METTL15: variants seen among roughly 807,000 people sequenced by gnomAD.
The protein encoded by METTL15 is 12S rRNA N(4)-cytidine methyltransferase METTL15.
In METTL15, 34 loss-of-function variants were observed where a neutral mutation model predicts 38.3. The ratio of observed to expected loss-of-function variants is 0.89; its 90% CI spans 0.68 to 1.18. The LOEUF is 1.18. METTL15 is among the 50% of genes most tolerant of loss of function. The pLI, the probability that METTL15 is intolerant of heterozygous loss-of-function variation, is 0.00. For missense variants in METTL15, 438 were observed against 498.4 expected, an observed-to-expected ratio of 0.88 and a Z score of 1.15; for synonymous variants, 162 against 170.9, an observed-to-expected ratio of 0.95 and a Z score of 0.41.
intron 3 of METTL15, chr11:28,122,218 GATT>G (rs1452729288): frequency 3.3e-6 from 4 of 1,202,702 alleles, no homozygotes; most frequent in Admixed American, 3.1e-5. Context: ...AATGTTTATG[GATT>G]ATATTTTTTA....
chr11:28,336,189 C>T (rs561989779), downstream of METTL15, among the ~76,000 whole-genome samples: 1 of 152,238 alleles, frequency 6.6e-6, no homozygotes, highest in African/African-American at 2.4e-5. Flanking sequence ...GTATTTGCTA[C>T]ACCTTGACAG....
At chr11:28,301,175 A>G (rs565342271) in intron 6 of METTL15, among the ~76,000 whole-genome samples, 2 of 152,154 alleles carry the variant, frequency 1.3e-5, no homozygotes, top group East Asian at 3.9e-4. Context: ...TTCCAGCCAT[A>G]TTGAAGTTCT....
chr11:28,300,135 GA>G (rs1263783839), intron 6 of METTL15, among the ~76,000 whole-genome samples: 1 of 152,004 alleles, frequency 6.6e-6, no homozygotes, highest in East Asian at 1.9e-4. Context: ...AATTGTGGGG[GA>G]CTCTATAAAC....
At chr11:28,434,291 C>T (rs1247211144) in intron 6 of METTL15, among the ~76,000 whole-genome samples, 3 of 152,204 alleles carry the variant, frequency 2.0e-5, no homozygotes, top group Non-Finnish European at 4.4e-5. Context: ...TTCCTAAGGC[C>T]TGCCCAGCCA....
chr11:28,296,613 G>A (rs1856744340), intron 5 of METTL15, 140 bp from the exon 6 acceptor site: 1 of 748,700 alleles, frequency 1.3e-6, no homozygotes, highest in Non-Finnish European at 2.1e-6. Flanking sequence ...ATTTGTTTAA[G>A]GTTTCAGTTT....
At chr11:28,273,581 CAT>C (rs1478164495) in intron 4 of METTL15, among the ~76,000 whole-genome samples, 2 of 151,852 alleles carry the variant, frequency 1.3e-5, no homozygotes, top group South Asian at 2.1e-4. Flanking sequence ...TCAGGTGTCA[CAT>C]ATATATATTG....
At chr11:28,459,211 AT>A (rs967211678) in intron 6 of METTL15, among the ~76,000 whole-genome samples, 89 of 152,296 alleles carry the variant, frequency 5.8e-4, no homozygotes, top group African/African-American at 2.0e-3. Context: ...ACTTTTATAA[AT>A]TTCATGTATA....
At chr11:28,293,578 T>G (rs1230411729) in intron 5 of METTL15, among the ~76,000 whole-genome samples, 1 of 143,762 alleles carries the variant, frequency 7.0e-6, no homozygotes. Context: ...AGTAGTTTTT[T>G]CCAATTCTGT....
intron 3 of METTL15, among the ~76,000 whole-genome samples, chr11:28,208,593 T>C (rs1852474042): frequency 6.6e-6 from 1 of 152,232 alleles, no homozygotes; most frequent in Middle Eastern, 3.4e-3. Flanking sequence ...TCTATTGATT[T>C]GGGGTGGAGA....
intron 6 of METTL15, among the ~76,000 whole-genome samples, chr11:28,435,479 G>A (rs1391437693): frequency 6.6e-6 from 1 of 152,090 alleles, no homozygotes; most frequent in African/African-American, 2.4e-5. Context: ...CTGCTTTCTG[G>A]GAATGCTCCT....
rs1851803730 is a variant in METTL15 at position 28,525,608 on chromosome 11, A to C, written c.*425-870A>C. Among the ~76,000 whole-genome samples, 3 of 152,208 alleles carry C rather than the reference A, an allele frequency of 2.0e-5. No homozygotes were observed. In the South Asian group the frequency reaches 6.2e-4, roughly 32 times the overall value. On this transcript the variant is annotated intron_variant and NMD_transcript_variant, in intron 6 of 7. Coordinates refer to the METTL15 transcript ENST00000532947. ...ATTACAAACCTTGAGCTAGACACAG[A>C]GTGCTGATTGGTGCATTTACAAACC...
intron 6 of METTL15, among the ~76,000 whole-genome samples, chr11:28,460,073 A>AT (rs1243221643): frequency 5.3e-5 from 8 of 152,030 alleles, no homozygotes; most frequent in Non-Finnish European, 1.0e-4. Flanking sequence ...AAATAAACAC[A>AT]TTTTTATCAT....
At chr11:28,281,794 C>T (rs1856065802) in intron 4 of METTL15, among the ~76,000 whole-genome samples, 1 of 152,108 alleles carries the variant, frequency 6.6e-6, no homozygotes, top group African/African-American at 2.4e-5. Flanking sequence ...ACAGTCTTAA[C>T]TCCTGAGATG....
intron 3 of METTL15, among the ~76,000 whole-genome samples, chr11:28,207,833 C>G (rs879066897): frequency 6.6e-6 from 1 of 152,092 alleles, no homozygotes; most frequent in African/African-American, 2.4e-5. Flanking sequence ...CTGGTTTAGT[C>G]TTGGGAGGGT....
intron 6 of METTL15, among the ~76,000 whole-genome samples, chr11:28,447,665 C>A (rs1199250280): frequency 6.6e-6 from 1 of 152,026 alleles, no homozygotes; most frequent in Non-Finnish European, 1.5e-5. Flanking sequence ...GCAAAACTTA[C>A]CATGAATAAT....
chr11:28,271,660 C>A (rs975323569), intron 4 of METTL15, among the ~76,000 whole-genome samples: 2 of 152,084 alleles, frequency 1.3e-5, no homozygotes, highest in Non-Finnish European at 2.9e-5. Flanking sequence ...CCATTCTATC[C>A]TTTTAAAAGA....
At position 28,389,356 on chromosome 11, in the gene METTL15, A is replaced by T. The variant is rs1293409267; in HGVS notation, c.*358+27320A>T. 2.7e-5 allele frequency among the ~76,000 whole-genome samples: 4 copies of T among 145,622 alleles called. No individual in the cohort carries two copies. The East Asian group carries it at 8.8e-4, about 32-fold the overall frequency. Reference sequence around the variant, plus strand: ...TTAACTCGTCATTTAGCATTAGGTAAATCTCCTAATGCTGTCCCTCCCCCC... The same window carrying T: ...TTAACTCGTCATTTAGCATTAGGTATATCTCCTAATGCTGTCCCTCCCCCC... On this transcript the variant is annotated intron_variant and NMD_transcript_variant, in intron 5 of 7. Coordinates refer to the METTL15 transcript ENST00000532947.
chr11:28,392,891 C>A (rs564069002), intron 5 of METTL15, among the ~76,000 whole-genome samples: 33 of 151,932 alleles, frequency 2.2e-4, no homozygotes, highest in Admixed American at 1.8e-3. Flanking sequence ...GGCTAACAGG[C>A]TTATGAAAAG....
At chr11:28,289,903 T>C (rs922829750) in intron 4 of METTL15, among the ~76,000 whole-genome samples, 2 of 152,210 alleles carry the variant, frequency 1.3e-5, no homozygotes, top group Admixed American at 1.3e-4. Flanking sequence ...TTTAAGAAAA[T>C]ATGAAAGACC....
Sources: allele counts gnomAD v4.1 joint callset (sites outside exome capture counted in the v4.1 genomes callset), GRCh38; gene constraint gnomAD v4.1.1; transcripts MANE v1.5; gene names NCBI Gene and HGNC (gene_info 2026-07-23, HGNC 2026-07-21).